UTP20: variants seen among roughly 807,000 people sequenced by gnomAD.
UTP20 encodes the protein UTP20 small subunit processome component.
A neutral mutation model predicts 329.5 loss-of-function variants in UTP20; 164 were observed. The ratio of observed to expected loss-of-function variants is 0.50; its 90% confidence interval spans 0.44 to 0.57. UTP20 has a LOEUF of 0.57. Among genes scored for constraint, UTP20 ranks in the 20% least tolerant of loss-of-function variants. The pLI, the probability that UTP20 is intolerant of heterozygous loss-of-function variation, is 0.00. For synonymous variants in UTP20, 1,151 were observed against 1,159.3 expected, an observed-to-expected ratio of 0.99 and a Z score of 0.14; for missense variants, 3,055 against 3,284.2, an observed-to-expected ratio of 0.93 and a Z score of 1.71.
At chr12:101,310,753 T>C (rs1186618892) in intron 19 of UTP20, among the ~76,000 whole-genome samples, 2 of 152,046 alleles carry the variant, frequency 1.3e-5, no homozygotes, top group African/African-American at 4.8e-5. Flanking sequence ...CTTGACAGAA[T>C]AAGAGAGTTA....
At chr12:101,342,061 C>G (rs556027727) in intron 32 of UTP20, among the ~76,000 whole-genome samples, 1 of 152,050 alleles carries the variant, frequency 6.6e-6, no homozygotes, top group African/African-American at 2.4e-5. Context: ...AAATACCATG[C>G]CTTTTTATAT....
intron 48 of UTP20, 77 bp downstream of exon 48, chr12:101,368,053 TG>T (rs1870155654): frequency 9.5e-7 from 1 of 1,047,964 alleles, no homozygotes; most frequent in Non-Finnish European, 1.5e-6. Flanking sequence ...ACCTAATGGT[TG>T]TATTTGGGCT....
chr12:101,296,570 C>CA (rs35977909), intron 12 of UTP20, among the ~76,000 whole-genome samples: 8,489 of 114,572 alleles, frequency 0.074, 1,078 homozygotes, highest in African/African-American at 0.25. Flanking sequence ...GACTTCATCT[C>CA]AAAAAAAAAA....
Position 101,312,073 on chromosome 12 carries a change from C to G in UTP20, c.2349C>G (p.Ser783=). 1 of 1,614,122 alleles carries G rather than the reference C, an allele frequency of 6.2e-7. No homozygotes were observed. Among genetic ancestry groups the G allele is most frequent in the South Asian group, 1.1e-5 (1 of 91,082 alleles). ...AGAATGATATGACAGATGAGAAGTC[C>G]GTTGGAGATGAAAGTTGGGAGCAGA... is the stretch of plus-strand genomic sequence containing the variant. ...ELQNDMTDEK[S]VGDESWEQTQ... Residue 783 remains serine (S), a synonymous_variant, in exon 21 of 62, where the codon TCC becomes TCG. Transcript: ENST00000261637.
In UTP20 at chr12:101,386,145, G is replaced by A. The variant is rs766265501; in HGVS notation, c.*22G>A. ...GTAATGTCTCCCTGTGCTGATACAA[G>A]CATGAACTTTCTGGAATATTCTGCT... On this transcript the variant is annotated 3_prime_UTR_variant, in exon 62 of 62. Transcript: ENST00000261637. 6.3e-7 allele frequency: 1 copy of A among 1,581,732 alleles called. No homozygotes were observed. Among genetic ancestry groups the A allele is most frequent in the Non-Finnish European group, 8.5e-7 (1 of 1,171,372 alleles).
chr12:101,375,749 A>C lies in UTP20; in HGVS notation c.7389A>C (p.Lys2463Asn). 2.6e-6 allele frequency: 4 copies of C among 1,547,180 alleles called. No homozygotes were observed. The highest frequency in any genetic ancestry group is 3.5e-6 in the Non-Finnish European group (4 of 1,128,194). Reference protein sequence around the residue: ...QFTKPAETLSKIWSHVHSHLR... With the variant: ...QFTKPAETLSNIWSHVHSHLR... ...CCAAACCCGCTGAGACTTTGAGTAAAATCTGGAGTAAGTATTTCCTTTTTT... is the reference window on the plus strand; with the variant it reads ...CCAAACCCGCTGAGACTTTGAGTAACATCTGGAGTAAGTATTTCCTTTTTT... Residue 2463 changes from lysine (K) to asparagine (N), a missense_variant, in exon 56 of 62, where the codon AAA (lysine) becomes AAC (asparagine). This residue lies in a region of UTP20 where 273 missense variants were observed against 363.1 expected (regional missense o/e 0.75). Coordinates refer to ENST00000261637, the MANE Select transcript of UTP20 (RefSeq NM_014503.3).
At chr12:101,313,537 G>C (rs1429948244) in intron 21 of UTP20, among the ~76,000 whole-genome samples, 2 of 152,150 alleles carry the variant, frequency 1.3e-5, no homozygotes, top group Non-Finnish European at 2.9e-5. Context: ...TGAGAGTAGA[G>C]AGACCAGTCA....
intron 22 of UTP20, among the ~76,000 whole-genome samples, chr12:101,318,767 G>T (rs1022623938): frequency 4.8e-5 from 7 of 146,432 alleles, no homozygotes; most frequent in Non-Finnish European, 8.9e-5. Context: ...GGAGGCAGAG[G>T]TTGCTGTGAG....
chr12:101,348,252 TATGTAGACCATTCAC>T (rs1357212276), intron 38 of UTP20, among the ~76,000 whole-genome samples: 1 of 152,252 alleles, frequency 6.6e-6, no homozygotes, highest in Non-Finnish European at 1.5e-5. Flanking sequence ...TTTTAACTGG[TATGTAGACCATTCAC>T]ATTTAATATG....
At chr12:101,369,976 G>A (rs1870231586) in intron 49 of UTP20, 85 bp downstream of exon 49, 1 of 1,363,380 alleles carries the variant, frequency 7.3e-7, no homozygotes, top group African/African-American at 1.5e-5. Context: ...CACTTTGGGA[G>A]GCTGAGGTGG....
At chr12:101,322,943 A>G (rs1020861137) in intron 25 of UTP20, among the ~76,000 whole-genome samples, 2 of 152,248 alleles carry the variant, frequency 1.3e-5, no homozygotes, top group Non-Finnish European at 2.9e-5. Flanking sequence ...CTCAAAAACA[A>G]TAGTAAATAG....
chr12:101,308,595 G>T (rs1872699126), intron 18 of UTP20, among the ~76,000 whole-genome samples: 1 of 151,902 alleles, frequency 6.6e-6, no homozygotes, highest in African/African-American at 2.4e-5. Flanking sequence ...TACCTTTTTA[G>T]AAATGAGTAA....
rs1427499430 is a variant in UTP20 at position 101,311,809 on chromosome 12, G to A, written c.2311+11G>A. 5.0e-6 allele frequency: 8 copies of A among 1,598,234 alleles called. No homozygotes were observed. The highest frequency in any genetic ancestry group is 1.4e-5 in the African/African-American group (1 of 73,922). On this transcript the variant is annotated intron_variant, in intron 20 of 61. Transcript: ENST00000261637. The stretch of plus-strand genomic sequence containing the variant: ...CAGCTACGCATGCTGGTATGTAAAG[G>A]GGTTGTGAGGAAGCTGCGAAGAAAA...
chr12:101,383,297 C>T lies in UTP20; in HGVS notation c.7913C>T (p.Pro2638Leu), dbSNP rs779529045. 13 of 1,613,602 alleles carry T rather than the reference C, an allele frequency of 8.1e-6. No individual in the cohort carries two copies. The highest frequency in any genetic ancestry group is 4.5e-5 in the East Asian group (2 of 44,888). ...GCAAAACTGGAAGCTGCTTATTCGC[C>T]GAGAAACCCCTTAAAGGTGCGATGA... ...RIAKLEAAYS[P>L]RNPLKRTCIF... The change falls in exon 59 of 62, where the codon CCG becomes CTG. Residue 2638 changes from proline to leucine, a missense_variant. This residue lies in a region of UTP20 where 337 missense variants were observed against 345.5 expected (regional missense o/e 0.98). Transcript: ENST00000261637.
At chr12:101,332,836 A>ATAT (rs60112722) in intron 27 of UTP20, among the ~76,000 whole-genome samples, 31,816 of 152,010 alleles carry the variant, frequency 0.21, 3,759 homozygotes, top group East Asian at 0.37. Context: ...AAAAAGTAAA[A>ATAT]TATTAAGTAT....
At chr12:101,310,957 A>G (rs962485803) in intron 19 of UTP20, among the ~76,000 whole-genome samples, 3 of 152,232 alleles carry the variant, frequency 2.0e-5, no homozygotes, top group African/African-American at 7.2e-5. Flanking sequence ...AGAATTTGAC[A>G]TACATATTAC....
chr12:101,317,536 G>C lies in UTP20; in HGVS notation c.2611G>C (p.Gly871Arg). The C allele has an allele frequency of 6.2e-7, 1 of 1,614,200 alleles. No individual in the cohort carries two copies. Among genetic ancestry groups the C allele is most frequent in the Non-Finnish European group, 8.5e-7 (1 of 1,180,022 alleles). ...VAPTQDLRRK[G>R]KGMVAEEIEE... ...TCCAACCCAGGATCTACGGAGAAAA[G>C]GCAAAGGGATGGTGGCAGAGGAAAT... Residue 871 changes from glycine (G) to arginine (R), a missense_variant, in exon 22 of 62, where the codon GGC (glycine) becomes CGC (arginine). Physicochemically the swap from Gly to Arg is moderately radical, Grantham distance 125. Transcript: ENST00000261637.
At chr12:101,318,513 A>T (rs915435571) in intron 22 of UTP20, among the ~76,000 whole-genome samples, 6 of 152,146 alleles carry the variant, frequency 3.9e-5, no homozygotes, top group African/African-American at 9.7e-5. Flanking sequence ...TATAGGAGAA[A>T]TATTTTTAAA....
At chr12:101,321,811 CA>C (rs1454194152) in intron 25 of UTP20, among the ~76,000 whole-genome samples, 182 bp downstream of exon 25, 4 of 151,928 alleles carry the variant, frequency 2.6e-5, no homozygotes, top group Admixed American at 2.6e-4. Flanking sequence ...GTGGCATGAT[CA>C]CAGCTCATTG....
Sources: gnomAD v4.1 joint callset for allele counts (sites outside exome capture counted in the v4.1 genomes callset) on GRCh38, gnomAD v4.1.1 for gene constraint, gnomAD v4.1.1 regional missense constraint, MANE v1.5 for transcripts, NCBI Gene and HGNC (gene_info 2026-07-23, HGNC 2026-07-21) for gene names.